The following CSMD1 variants were observed in gnomAD, a reference collection of about 807,000 sequenced individuals.
CSMD1 encodes CUB and sushi domain-containing protein 1.
In CSMD1, 213 loss-of-function variants were observed where a neutral mutation model predicts 417.5. The observed-to-expected ratio is 0.51, with a 90% CI of 0.46 to 0.57. The LOEUF (loss-of-function observed/expected upper bound fraction) is 0.57, where lower values mean the gene tolerates loss of function less well. CSMD1 is among the 20% of genes least tolerant of loss of function. CSMD1 has a pLI of 0.00. For missense variants in CSMD1, 6,923 were observed against 4,529.7 expected (o/e 1.53, Z -15.17); for synonymous variants, 2,862 against 1,736.8 (o/e 1.65, Z -16.11).
intron 1 of CSMD1, among the ~76,000 whole-genome samples, chr8:4,852,589 A>G (rs1439319903): frequency 6.6e-6 from 1 of 152,172 alleles, no homozygotes; most frequent in African/African-American, 2.4e-5. Flanking sequence ...AAATGGTACC[A>G]GGAGTGGGAT....
chr8:4,112,590 T>A (rs944673569), intron 3 of CSMD1, among the ~76,000 whole-genome samples: 6 of 152,102 alleles, frequency 3.9e-5, no homozygotes, highest in Admixed American at 3.9e-4. Context: ...GACTTCACAG[T>A]CTGTGCGTGT....
chr8:4,597,769 G>C (rs1800365380), intron 2 of CSMD1, among the ~76,000 whole-genome samples: 1 of 152,010 alleles, frequency 6.6e-6, no homozygotes, highest in Non-Finnish European at 1.5e-5. Flanking sequence ...AAAAAGTAAT[G>C]GGATGACTTT....
chr8:4,827,269 T>C (rs1353214083), intron 1 of CSMD1, among the ~76,000 whole-genome samples: 1 of 152,106 alleles, frequency 6.6e-6, no homozygotes, highest in Non-Finnish European at 1.5e-5. Flanking sequence ...AGGACTAATA[T>C]TTACTTCATT....
intron 5 of CSMD1, among the ~76,000 whole-genome samples, chr8:3,865,457 T>C (rs959591135): frequency 6.6e-6 from 1 of 151,788 alleles, no homozygotes; most frequent in African/African-American, 2.4e-5. Context: ...GAGTCACAGG[T>C]GCTCTTCAGA....
rs146750881 is a variant in CSMD1 at position 4,117,429 on chromosome 8, C to G, written c.416-85330G>C. ...CTGCCTGCCGCAAGGTAAATACAAG[C>G]AGGACCGCATGCTGCAATTTCAGGG... On this transcript the variant is annotated intron_variant, in intron 3 of 69. Coordinates refer to ENST00000635120, the MANE Select transcript of CSMD1 (RefSeq NM_033225.6). Among the ~76,000 whole-genome samples the G allele has an allele frequency of 2.3e-3, 349 of 152,182 alleles. 1 individual carries two copies. The highest frequency in any genetic ancestry group is 3.9e-3 in the Non-Finnish European group (262 of 68,012).
intron 50 of CSMD1, among the ~76,000 whole-genome samples, chr8:3,048,972 T>C (rs539082506): frequency 2.0e-5 from 3 of 151,180 alleles, no homozygotes; most frequent in South Asian, 2.1e-4. Context: ...CAACTGAGCA[T>C]ATGAAAAGAT....
At chr8:4,752,090 TG>T in intron 1 of CSMD1, among the ~76,000 whole-genome samples, 1 of 152,268 alleles carries the variant, frequency 6.6e-6, no homozygotes, top group East Asian at 1.9e-4. Flanking sequence ...TGTCTGTGTG[TG>T]TGTACATGTA....
intron 18 of CSMD1, among the ~76,000 whole-genome samples, chr8:3,376,056 G>A (rs911526811): frequency 3.3e-5 from 5 of 151,848 alleles, no homozygotes; most frequent in African/African-American, 1.2e-4. Context: ...TTACTTCATT[G>A]TGTGATTTTT....
intron 3 of CSMD1, among the ~76,000 whole-genome samples, chr8:4,386,629 C>T (rs1158401206): frequency 6.6e-6 from 1 of 152,182 alleles, no homozygotes; most frequent in East Asian, 1.9e-4. Flanking sequence ...GAGACCCTGG[C>T]AAGCCATGGG....
chr8:3,908,736 T>C (rs1808270879), intron 5 of CSMD1, among the ~76,000 whole-genome samples: 2 of 152,192 alleles, frequency 1.3e-5, no homozygotes, highest in East Asian at 3.8e-4. Flanking sequence ...AAGATATTAT[T>C]AATATACCTT....
At chr8:4,248,961 T>A (rs1396421512) in intron 3 of CSMD1, among the ~76,000 whole-genome samples, 1 of 152,196 alleles carries the variant, frequency 6.6e-6, no homozygotes, top group East Asian at 1.9e-4. Flanking sequence ...TAATGCTACT[T>A]TTAATATCAT....
chr8:4,677,404 G>C (rs1189228775), intron 1 of CSMD1, among the ~76,000 whole-genome samples: 1 of 151,916 alleles, frequency 6.6e-6, no homozygotes, highest in Non-Finnish European at 1.5e-5. Context: ...ATTTGAATTA[G>C]AGACAGATTC....
Position 4,770,450 on chromosome 8 carries a change from A to T in CSMD1, c.86-132892T>A, listed in dbSNP as rs1458683792. ...AAATCCCAATAGCATTCTTCACAGA[A>T]TTTTTTTTTTAATTTCTAAAATGTG... is the stretch of plus-strand genomic sequence containing the variant. On this transcript the variant is annotated intron_variant, in intron 1 of 69. Transcript: ENST00000635120. Among the ~76,000 whole-genome samples the T allele has an allele frequency of 4.0e-5, 6 of 149,082 alleles. No homozygotes were observed. In the South Asian group the frequency reaches 6.3e-4, roughly 16 times the overall value.
At position 4,560,418 on chromosome 8, in the gene CSMD1, A is replaced by T. The variant is rs138781988; in HGVS notation, c.302+76924T>A. Among the ~76,000 whole-genome samples the T allele has an allele frequency of 3.6e-3, 548 of 152,336 alleles. 3 individuals carry two copies. Among genetic ancestry groups the T allele is most frequent in the African/African-American group, 0.013 (521 of 41,576 alleles). Reference sequence around the variant, plus strand: ...CTTGCCTTTTCCTACACAAAAGATCATGTCTGATGGGCTTAGCAATTATGC... The same window carrying T: ...CTTGCCTTTTCCTACACAAAAGATCTTGTCTGATGGGCTTAGCAATTATGC... On this transcript the variant is annotated intron_variant, in intron 2 of 69. Coordinates refer to ENST00000635120, the MANE Select transcript of CSMD1 (RefSeq NM_033225.6).
chr8:3,798,353 C>G (rs192058493), intron 5 of CSMD1, among the ~76,000 whole-genome samples: 1 of 152,132 alleles, frequency 6.6e-6, no homozygotes, highest in African/African-American at 2.4e-5. Flanking sequence ...CAGTAAGTCA[C>G]TCTCTTACAT....
At chr8:3,757,527 G>C (rs928463487) in intron 5 of CSMD1, among the ~76,000 whole-genome samples, 9 of 152,186 alleles carry the variant, frequency 5.9e-5, no homozygotes, top group African/African-American at 2.2e-4. Flanking sequence ...TTGGCCTGCA[G>C]GTACTAGTTT....
At chr8:4,011,997 T>C (rs1474692857) in intron 4 of CSMD1, among the ~76,000 whole-genome samples, 1 of 151,338 alleles carries the variant, frequency 6.6e-6, no homozygotes, top group Non-Finnish European at 1.5e-5. Flanking sequence ...ATGGCTGTTA[T>C]ACTGTATTGT....
chr8:4,438,529 C>T (rs1311671263), intron 2 of CSMD1, among the ~76,000 whole-genome samples: 1 of 152,196 alleles, frequency 6.6e-6, no homozygotes, highest in South Asian at 2.1e-4. Context: ...AGTCCCACTC[C>T]TTTCACATGT....
intron 12 of CSMD1, among the ~76,000 whole-genome samples, chr8:3,455,160 C>T (rs531360281): frequency 6.6e-6 from 1 of 152,292 alleles, no homozygotes; most frequent in African/African-American, 2.4e-5. Flanking sequence ...TTTTCAGTTC[C>T]ATTAGGTCCT....
Sources: gnomAD v4.1 joint callset for allele counts (sites outside exome capture counted in the v4.1 genomes callset) on GRCh38, gnomAD v4.1.1 for gene constraint, MANE v1.5 for transcripts, NCBI Gene and HGNC (gene_info 2026-07-23, HGNC 2026-07-21) for gene names.